HECTD4: variants seen among roughly 807,000 people sequenced by gnomAD.
HECTD4 encodes the protein probable E3 ubiquitin-protein ligase HECTD4.
Under a neutral mutation model 471.5 loss-of-function variants are expected in HECTD4, and 114 were observed. That is an observed-to-expected ratio of 0.24 (90% CI 0.21 to 0.28). HECTD4 has a LOEUF of 0.28. Ranked by LOEUF, HECTD4 falls within the 10% of genes least tolerant of loss-of-function variation. The probability of loss-of-function intolerance (pLI) is 1.00; values close to 1 mark genes in which losing one functional copy is unlikely to be tolerated. For missense variants in HECTD4, 3,866 were observed against 5,651.5 expected, an observed-to-expected ratio of 0.68 and a Z score of 10.13; for synonymous variants, 2,012 against 2,256.0, an observed-to-expected ratio of 0.89 and a Z score of 3.07.
At chr12:112,223,446 GTC>G (rs918421703) in intron 44 of HECTD4, among the ~76,000 whole-genome samples, 1 of 152,116 alleles carries the variant, frequency 6.6e-6, no homozygotes, top group Non-Finnish European at 1.5e-5. Context: ...TTTAGACAGA[GTC>G]TTGCTCTGTC....
chr12:112,370,512 C>T (rs2036645405), intron 1 of HECTD4, among the ~76,000 whole-genome samples: 1 of 151,936 alleles, frequency 6.6e-6, no homozygotes, highest in African/African-American at 2.4e-5. Flanking sequence ...ACAGAATGAT[C>T]AAAACATATC....
At chr12:112,231,190 G>C (rs1236769241) in intron 39 of HECTD4, 1 of 454,320 alleles carries the variant, frequency 2.2e-6, no homozygotes, top group Non-Finnish European at 4.0e-6. Flanking sequence ...TGTTCAGTTG[G>C]GGCAGTGGAG....
Position 112,175,782 on chromosome 12 carries a change from C to T in HECTD4, c.11548G>A (p.Val3850Ile), listed in dbSNP as rs775514607. 1.9e-5 allele frequency: 31 copies of T among 1,613,244 alleles called. No individual in the cohort carries two copies. Among genetic ancestry groups the T allele is most frequent in the South Asian group, 3.3e-5 (3 of 90,888 alleles). The change falls in exon 66 of 76, where the codon GTC (valine) becomes ATC (isoleucine). Residue 3850 changes from valine (V) to isoleucine (I), a missense_variant. Around this residue, in one of 16 missense-constraint regions of HECTD4, gnomAD observed 715 missense variants for 1,087.6 expected, o/e 0.66. Coordinates refer to ENST00000682272, the MANE Select transcript of HECTD4 (RefSeq NM_001388303.1). ...CCACAGGACAAGATCGCCCTCCAGA[C>T]GCTACGGATATCTTGCCTGGCTCGG... ...IDRARQDIRS[V>I]WRAILSCGYD... is the part of the protein sequence containing the mutation.
chr12:112,276,934 A>T (rs2034540012), intron 9 of HECTD4, among the ~76,000 whole-genome samples: 1 of 152,218 alleles, frequency 6.6e-6, no homozygotes, highest in South Asian at 2.1e-4. Context: ...ATGGAAAATA[A>T]CAAATGTTGG....
At chr12:112,202,346 C>T (rs1292683518) in intron 54 of HECTD4, among the ~76,000 whole-genome samples, 6 of 151,970 alleles carry the variant, frequency 3.9e-5, no homozygotes, top group Admixed American at 3.9e-4. Context: ...GCTAGGACTA[C>T]AGGTTCGTGC....
In HECTD4 at chr12:112,347,677, A is replaced by G. The variant is rs143497958; in HGVS notation, c.178-27935T>C. 3.0e-3 allele frequency among the ~76,000 whole-genome samples: 451 copies of G among 152,354 alleles called. 1 individual carries two copies. The highest frequency in any genetic ancestry group is 0.01 in the African/African-American group (421 of 41,586). ...ACGTCAGAACCCTAGTGGAGCTATG[A>G]TTCACAACCTTTCTTCTATTCCAAC... On this transcript the variant is annotated intron_variant, in intron 1 of 75. Transcript: ENST00000682272.
At position 112,193,534 on chromosome 12, in the gene HECTD4, G is replaced by A. The variant is rs753363132; in HGVS notation, c.8890C>T (p.Arg2964Trp). The A allele has an allele frequency of 1.6e-5, 25 of 1,612,456 alleles. No individual in the cohort carries two copies. Among genetic ancestry groups the A allele is most frequent in the Non-Finnish European group, 2.0e-5 (23 of 1,179,372 alleles). Residue 2964 changes from arginine to tryptophan, a missense_variant, in exon 57 of 76, where the codon CGG becomes TGG. By Grantham distance (101) the Arg-to-Trp change is moderately radical. This residue lies in a region of HECTD4 where 364 missense variants were observed against 413.2 expected (regional missense o/e 0.88). Coordinates refer to ENST00000682272, the MANE Select transcript of HECTD4 (RefSeq NM_001388303.1). This position sits in a 1 kb window ranked among gnomAD's most constrained non-coding sequence, Gnocchi z 5.2. ...VREWLNVAITRTLHQGEESLL... is the reference protein window; with the variant it reads ...VREWLNVAITWTLHQGEESLL... ...CTCTCCTCGCCCTGGTGCAGGGTCC[G>A]GGTGATGGCCACGTTGAGCCACTCT...
intron 1 of HECTD4, among the ~76,000 whole-genome samples, chr12:112,371,886 C>CAAAAA (rs535844706): frequency 1.7e-5 from 1 of 57,232 alleles, no homozygotes; most frequent in African/African-American, 6.1e-5. Context: ...AACTCTGTCT[C>CAAAAA]AAAAAAAAAA....
At chr12:112,206,630 G>A (rs1215063008) in intron 52 of HECTD4, among the ~76,000 whole-genome samples, 1 of 146,986 alleles carries the variant, frequency 6.8e-6, no homozygotes, top group Non-Finnish European at 1.5e-5. Flanking sequence ...TCTGCCTCCC[G>A]GGTTCCTGCC....
intron 18 of HECTD4, 37 bp downstream of exon 18, chr12:112,261,268 C>A (rs1022738495): frequency 6.6e-7 from 1 of 1,507,118 alleles, no homozygotes; most frequent in Non-Finnish European, 9.0e-7. Context: ...TTTCTTCCCA[C>A]AGGGCAGCTG....
intron 9 of HECTD4, among the ~76,000 whole-genome samples, chr12:112,275,779 C>T (rs989479009): frequency 5.9e-5 from 9 of 152,112 alleles, no homozygotes; most frequent in African/African-American, 1.9e-4. Flanking sequence ...TAAGTTATAA[C>T]ATAAATGATA....
In HECTD4 at chr12:112,194,801, C is replaced by T; in HGVS notation, c.8749+84G>A. 1.6e-6 allele frequency: 2 copies of T among 1,263,438 alleles called. No homozygotes were observed. The highest frequency in any genetic ancestry group is 2.2e-6 in the Non-Finnish European group (2 of 901,174). The allele number at this position is 1,263,438 out of a possible 1,614,324, so 78.3% of individuals were successfully genotyped here. On this transcript the variant is annotated intron_variant, in intron 56 of 75. Transcript: ENST00000682272. The surrounding 1 kb of genome is among the most constrained non-coding windows in gnomAD (Gnocchi z 4.6). Reference sequence around the variant, plus strand: ...TATGCGCACCATGAGGCATTTCTCGCCCTCATGCAGGGAATGACTACACTG... The same window carrying T: ...TATGCGCACCATGAGGCATTTCTCGTCCTCATGCAGGGAATGACTACACTG...
chr12:112,228,549 T>C lies in HECTD4; in HGVS notation c.6684+98A>G. 1 of 1,072,356 alleles carries C rather than the reference T, an allele frequency of 9.3e-7. No individual in the cohort carries two copies. Among genetic ancestry groups the C allele is most frequent in the Non-Finnish European group, 1.3e-6 (1 of 755,130 alleles). The allele number at this position is 1,072,356 out of a possible 1,614,324, so 66.4% of individuals were successfully genotyped here. ...ACATCACAAGTACAATTTAAGATAA[T>C]CAAGCATTTGTGCTTCTGCACTGAG... On this transcript the variant is annotated intron_variant, in intron 42 of 75. Transcript: ENST00000682272. The surrounding 1 kb of genome is among the most constrained non-coding windows in gnomAD (Gnocchi z 4.9).
At chr12:112,205,164 A>G (rs1227439234) in intron 52 of HECTD4, among the ~76,000 whole-genome samples, 1 of 150,220 alleles carries the variant, frequency 6.7e-6, no homozygotes, top group East Asian at 2.0e-4. Context: ...GGCCAGGCGT[A>G]GTGGCTCACG....
Position 112,263,933 on chromosome 12 carries a change from A to C in HECTD4, c.2748+151T>G, listed in dbSNP as rs1038083075. On this transcript the variant is annotated intron_variant, in intron 17 of 75. Transcript: ENST00000682272. ...AGGTGACTACTGTGTAATGACATAA[A>C]AAATCTATGGAATGAGTGGCCTAAT... 9 of 655,168 alleles carry C rather than the reference A, an allele frequency of 1.4e-5. No individual in the cohort carries two copies. The East Asian group carries it at 1.9e-4, about 14-fold the overall frequency. The allele number at this position is 655,168 out of a possible 1,614,324, so 40.6% of individuals were successfully genotyped here. A position where few individuals can be genotyped will look rare whatever the true frequency, so the allele number is the denominator to read the frequency against.
intron 1 of HECTD4, among the ~76,000 whole-genome samples, chr12:112,360,466 C>T (rs560254871): frequency 6.6e-6 from 1 of 152,268 alleles, no homozygotes; most frequent in Admixed American, 6.5e-5. Flanking sequence ...ATAAAGTTTT[C>T]CTTGAGGGGC....
At chr12:112,325,510 T>C (rs2035724126) in intron 1 of HECTD4, among the ~76,000 whole-genome samples, 1 of 152,236 alleles carries the variant, frequency 6.6e-6, no homozygotes, top group South Asian at 2.1e-4. Context: ...CTTTGGGTTT[T>C]TGTAAGTCAG....
At chr12:112,167,139 G>A in intron 72 of HECTD4, 178 bp downstream of exon 72, 2 of 525,456 alleles carry the variant, frequency 3.8e-6, no homozygotes, top group South Asian at 3.0e-5. Context: ...AGGGAGGGAG[G>A]CCAGAGGCCT....
Position 112,207,940 on chromosome 12 carries a change from T to A in HECTD4, c.8065A>T (p.Arg2689Ter). ...CGCTCTGCTTCATTGCGGAAGCGTC[T>A]TCGGATGGTAGGAAAAACCTTGGTC... ...WETKVFPTIR[R>*]RFRNEAERKS... Residue 2689 changes from arginine to a stop codon, truncating the protein, a stop_gained, in exon 52 of 76, where the codon AGA (arginine) becomes TGA (stop). Coordinates refer to ENST00000682272, the MANE Select transcript of HECTD4 (RefSeq NM_001388303.1). LOFTEE classifies it high-confidence loss of function. 6.2e-7 allele frequency: 1 copy of A among 1,613,896 alleles called. No individual in the cohort carries two copies. The highest frequency in any genetic ancestry group is 8.5e-7 in the Non-Finnish European group (1 of 1,179,846).
Sources: allele counts gnomAD v4.1 joint callset (sites outside exome capture counted in the v4.1 genomes callset), GRCh38; gene constraint gnomAD v4.1.1; regional missense constraint gnomAD v4.1.1; non-coding constraint Gnocchi (gnomAD v3.1); transcripts MANE v1.5; gene names NCBI Gene and HGNC (gene_info 2026-07-23, HGNC 2026-07-21).